CDH18: variants seen among roughly 807,000 people sequenced by gnomAD.
CDH18 encodes the protein cadherin-18.
CDH18 carries 31 observed loss-of-function variants against 67.9 expected under a neutral mutation model. The observed-to-expected ratio is 0.46, with a 90% CI of 0.34 to 0.62. The LOEUF is 0.62. CDH18 is among the 20% of genes least tolerant of loss of function. The pLI is 0.01. For missense variants in CDH18, 890 were observed against 975.5 expected, an observed-to-expected ratio of 0.91 and a Z score of 1.17; for synonymous variants, 362 against 347.2, an observed-to-expected ratio of 1.04 and a Z score of -0.48.
intron 6 of CDH18, among the ~76,000 whole-genome samples, chr5:19,603,187 T>A (rs1349237425): frequency 2.0e-5 from 3 of 152,082 alleles, no homozygotes; most frequent in African/African-American, 7.2e-5. Context: ...CATTACAAAA[T>A]AAGTTAAAAT....
At chr5:20,403,804 C>T (rs1032604440) in intron 1 of CDH18, among the ~76,000 whole-genome samples, 1 of 152,134 alleles carries the variant, frequency 6.6e-6, no homozygotes, top group African/African-American at 2.4e-5. Flanking sequence ...TGCATTAGCT[C>T]CTAAAGTGAG....
chr5:20,408,299 G>T (rs1308284566), intron 1 of CDH18, among the ~76,000 whole-genome samples: 1 of 152,040 alleles, frequency 6.6e-6, no homozygotes, highest in African/African-American at 2.4e-5. Context: ...ATGCCAAAGA[G>T]CAGCATGATA....
chr5:20,399,989 T>C (rs1745623519), intron 1 of CDH18, among the ~76,000 whole-genome samples: 1 of 152,174 alleles, frequency 6.6e-6, no homozygotes, highest in Non-Finnish European at 1.5e-5. Flanking sequence ...TCAGAAATGT[T>C]TAACTTCATA....
At chr5:19,693,893 C>G in intron 5 of CDH18, among the ~76,000 whole-genome samples, 1 of 44,008 alleles carries the variant, frequency 2.3e-5, no homozygotes, top group East Asian at 8.0e-4. Context: ...GAGACTCTGT[C>G]TGAAAAAAAA....
intron 11 of CDH18, among the ~76,000 whole-genome samples, chr5:19,489,204 C>T (rs999280900): frequency 4.0e-5 from 6 of 150,854 alleles, no homozygotes; most frequent in Non-Finnish European, 7.4e-5. Flanking sequence ...TTATAATCTC[C>T]GAGGAGATTA....
At chr5:19,593,334 A>G (rs1221379412) in intron 6 of CDH18, among the ~76,000 whole-genome samples, 1 of 152,062 alleles carries the variant, frequency 6.6e-6, no homozygotes, top group South Asian at 2.1e-4. Flanking sequence ...CTTTTCTGTC[A>G]TTGGCTTTTT....
At chr5:19,514,359 C>T (rs1579932174) in intron 10 of CDH18, among the ~76,000 whole-genome samples, 1 of 152,016 alleles carries the variant, frequency 6.6e-6, no homozygotes, top group Non-Finnish European at 1.5e-5. Context: ...GGGTATATAC[C>T]CAGTAATGGG....
chr5:20,093,356 C>CTT (rs35736724), intron 2 of CDH18, among the ~76,000 whole-genome samples: 228 of 148,118 alleles, frequency 1.5e-3, no homozygotes, highest in Non-Finnish European at 1.5e-3. Context: ...CTCCTGTATT[C>CTT]TTTTTTTTTT....
intron 2 of CDH18, among the ~76,000 whole-genome samples, chr5:19,900,422 G>A (rs1200451370): frequency 6.6e-6 from 1 of 152,088 alleles, no homozygotes; most frequent in African/African-American, 2.4e-5. Flanking sequence ...AAATGTTTAA[G>A]CTGATGGATA....
At chr5:20,169,880 T>C (rs191961298) in intron 2 of CDH18, among the ~76,000 whole-genome samples, 39 of 152,278 alleles carry the variant, frequency 2.6e-4, no homozygotes, top group African/African-American at 8.9e-4. Flanking sequence ...CTTATTATAA[T>C]TTGAGCTTTA....
chr5:20,097,254 A>G (rs1212216066), intron 2 of CDH18, among the ~76,000 whole-genome samples: 1 of 152,100 alleles, frequency 6.6e-6, no homozygotes, highest in Non-Finnish European at 1.5e-5. Flanking sequence ...TAGTGCTATG[A>G]AAAAATACCC....
At chr5:19,530,563 C>T (rs1389517724) in intron 9 of CDH18, among the ~76,000 whole-genome samples, 1 of 152,032 alleles carries the variant, frequency 6.6e-6, no homozygotes, top group Non-Finnish European at 1.5e-5. Context: ...AGGTATATCT[C>T]CCAGTGCTAT....
At chr5:19,809,054 T>C (rs912965203) in intron 3 of CDH18, among the ~76,000 whole-genome samples, 1 of 152,094 alleles carries the variant, frequency 6.6e-6, no homozygotes, top group African/African-American at 2.4e-5. Flanking sequence ...ATCTTGCTTT[T>C]GTACAAAACA....
intron 10 of CDH18, among the ~76,000 whole-genome samples, chr5:19,517,711 AAT>A (rs1281177741): frequency 6.6e-6 from 1 of 152,132 alleles, no homozygotes; most frequent in African/African-American, 2.4e-5. Flanking sequence ...ATCAATTTGG[AAT>A]AACTTTCAGC....
chr5:20,232,305 ACTT>A (rs1317377144), intron 2 of CDH18, among the ~76,000 whole-genome samples: 1 of 152,138 alleles, frequency 6.6e-6, no homozygotes, highest in African/African-American at 2.4e-5. Context: ...TACCTTATGA[ACTT>A]AAATCCTCAG....
intron 2 of CDH18, among the ~76,000 whole-genome samples, chr5:19,970,675 T>G (rs1014433154): frequency 6.6e-6 from 1 of 151,646 alleles, no homozygotes; most frequent in African/African-American, 2.4e-5. Context: ...ACGAGACTCA[T>G]GGGAATACAG....
intron 2 of CDH18, among the ~76,000 whole-genome samples, chr5:19,920,683 T>G (rs1480351983): frequency 6.6e-6 from 1 of 151,814 alleles, no homozygotes; most frequent in African/African-American, 2.4e-5. Flanking sequence ...CCAGCTAATT[T>G]TTGTATTTTT....
chr5:20,042,587 A>G (rs1740525659), intron 2 of CDH18, among the ~76,000 whole-genome samples: 1 of 152,206 alleles, frequency 6.6e-6, no homozygotes, highest in African/African-American at 2.4e-5. Context: ...AATTGTCAGG[A>G]AAAATAATTC....
At chr5:20,309,919 C>G (rs1270067598) in intron 1 of CDH18, among the ~76,000 whole-genome samples, 3 of 152,076 alleles carry the variant, frequency 2.0e-5, no homozygotes, top group Non-Finnish European at 4.4e-5. Context: ...AAAAATGTTT[C>G]TTTTGTTTCA....
Sources: allele counts gnomAD v4.1 joint callset (sites outside exome capture counted in the v4.1 genomes callset), GRCh38; gene constraint gnomAD v4.1.1; transcripts MANE v1.5; gene names NCBI Gene and HGNC (gene_info 2026-07-23, HGNC 2026-07-21).